Variants in DST observed in about 807,000 individuals in gnomAD.
The protein encoded by DST is bullous pemphigoid antigen.
DST carries 253 observed loss-of-function variants against 875.2 expected under a neutral mutation model. The observed-to-expected ratio is 0.29, with a 90% confidence interval of 0.26 to 0.32. DST has a LOEUF of 0.32. Ranked by LOEUF, DST falls within the 10% of genes least tolerant of loss-of-function variation. The pLI is 1.00. For synonymous variants in DST, 3,124 were observed against 3,197.1 expected, an observed-to-expected ratio of 0.98 and a Z score of 0.77; for missense variants, 8,287 against 9,111.6, an observed-to-expected ratio of 0.91 and a Z score of 3.68.
intron 4 of DST, among the ~76,000 whole-genome samples, chr6:56,769,607 G>A (rs1015348634): frequency 1.4e-4 from 21 of 152,128 alleles, no homozygotes; most frequent in African/African-American, 5.1e-4. Flanking sequence ...ATTGAGTCCA[G>A]GAATTCAGGA....
At chr6:56,523,237 C>T (rs942579197) in intron 69 of DST, among the ~76,000 whole-genome samples, 3 of 152,076 alleles carry the variant, frequency 2.0e-5, no homozygotes, top group Non-Finnish European at 2.9e-5. Flanking sequence ...CTTACTCATT[C>T]ACCCATTACT....
At chr6:56,601,716 G>C (rs1312593350) in intron 43 of DST, 40 bp from the exon 44 acceptor site, 1 of 1,200,080 alleles carries the variant, frequency 8.3e-7, no homozygotes. Context: ...AGAAAGTTAA[G>C]CCATGATAAA....
Position 56,594,098 on chromosome 6 carries a change from A to G in DST, c.12291T>C (p.Ser4097=). 2 of 1,610,334 alleles carry G rather than the reference A, an allele frequency of 1.2e-6. No homozygotes were observed. The highest frequency in any genetic ancestry group is 1.7e-6 in the Non-Finnish European group (2 of 1,179,010). The change falls in exon 48 of 104, where the codon TCT becomes TCC. Residue 4097 remains serine, a synonymous_variant. Transcript: ENST00000680361. ...VLLEKQGQYL[S]PEEKEKLQKN... ...TTTGCAGTTTCTCTTTTTCTTCAGG[A>G]GAGAGATACTGACCCTGTTTCTCAA...
chr6:56,904,371 T>C (rs931767981), intron 2 of DST, among the ~76,000 whole-genome samples: 2 of 152,226 alleles, frequency 1.3e-5, no homozygotes, highest in Non-Finnish European at 2.9e-5. Context: ...GTGTGTGGTC[T>C]TGGCTAAATT....
intron 2 of DST, among the ~76,000 whole-genome samples, chr6:56,911,198 G>A (rs183651767): frequency 3.5e-4 from 53 of 152,296 alleles, no homozygotes; most frequent in Middle Eastern, 3.4e-3. Flanking sequence ...AGGGAGGAAG[G>A]GAAGGAGGAA....
intron 3 of DST, among the ~76,000 whole-genome samples, chr6:56,880,624 T>C (rs1781647259): frequency 6.6e-6 from 1 of 150,510 alleles, no homozygotes; most frequent in Non-Finnish European, 1.5e-5. Flanking sequence ...GAGGTGGAGG[T>C]TGCAGTGAGC....
chr6:56,487,158 A>G lies in DST; in HGVS notation c.20993T>C (p.Met6998Thr), dbSNP rs1408048571. The G allele has an allele frequency of 4.3e-6, 7 of 1,613,858 alleles. No individual in the cohort carries two copies. The highest frequency in any genetic ancestry group is 1.3e-5 in the African/African-American group (1 of 74,942). The change falls in exon 87 of 104, where the codon ATG becomes ACG. Residue 6998 changes from methionine to threonine, a missense_variant. Physicochemically the swap from Met to Thr is moderately conservative, Grantham distance 81. Transcript: ENST00000680361. Reference sequence around the variant, plus strand: ...CCATTTGTCTCTGAGTTCACTCAGCATGTCATCCAGTTTCAGGTTGTCATC... The same window carrying G: ...CCATTTGTCTCTGAGTTCACTCAGCGTGTCATCCAGTTTCAGGTTGTCATC... ...LADDNLKLDD[M>T]LSELRDKWDT...
In DST at chr6:56,608,491, T is replaced by C. The variant is rs781430230; in HGVS notation, c.6137A>G (p.Asp2046Gly). ...QSNPAKRLTV[D>G]EAVQCDLITS... is the part of the protein sequence containing the mutation. ...TATTAAATCACACTGTACTGCTTCGTCTACAGTTAAACGCTTGGCAGGGTT... is the reference window on the plus strand; with the variant it reads ...TATTAAATCACACTGTACTGCTTCGCCTACAGTTAAACGCTTGGCAGGGTT... The change falls in exon 40 of 104, where the codon GAC becomes GGC. Residue 2046 changes from aspartate (D) to glycine (G), a missense_variant. Transcript: ENST00000680361. 29 of 1,613,658 alleles carry C rather than the reference T, an allele frequency of 1.8e-5. No homozygotes were observed. The East Asian group carries it at 6.2e-4, about 35-fold the overall frequency.
At chr6:56,780,343 G>C (rs568239212) in intron 4 of DST, among the ~76,000 whole-genome samples, 134 of 151,928 alleles carry the variant, frequency 8.8e-4, no homozygotes, top group South Asian at 2.9e-3. Context: ...GTCCCACCAA[G>C]AGTGTAAAAG....
chr6:56,488,662 C>G (rs2095642857), intron 86 of DST, among the ~76,000 whole-genome samples: 1 of 152,152 alleles, frequency 6.6e-6, no homozygotes, highest in Non-Finnish European at 1.5e-5. Flanking sequence ...TTTTATATCA[C>G]CCCAATTTTT....
In DST at chr6:56,573,811, G is replaced by C. The variant is rs1392116311; in HGVS notation, c.13104C>G (p.Thr4368=). 1 of 1,613,428 alleles carries C rather than the reference G, an allele frequency of 6.2e-7. No homozygotes were observed. The highest frequency in any genetic ancestry group is 1.1e-5 in the South Asian group (1 of 91,046). Reference sequence around the variant, plus strand: ...AGCCATCCTGCACACTCAGTGAACGGGTCAAGGTTATCTGGAGTTTTTCAT... The same window carrying C: ...AGCCATCCTGCACACTCAGTGAACGCGTCAAGGTTATCTGGAGTTTTTCAT... ...ERNEKLQITL[T]RSLSVQDGLD... The change falls in exon 51 of 104, where the codon ACC becomes ACG. Residue 4368 remains threonine, a synonymous_variant. Coordinates refer to ENST00000680361, the MANE Select transcript of DST (RefSeq NM_001374736.1).
At chr6:56,674,543 C>A (rs183584882) in intron 9 of DST, among the ~76,000 whole-genome samples, 1 of 152,150 alleles carries the variant, frequency 6.6e-6, no homozygotes, top group Non-Finnish European at 1.5e-5. Context: ...GTGATTCACC[C>A]GCTTCGGCCT....
intron 69 of DST, among the ~76,000 whole-genome samples, chr6:56,519,691 C>T (rs1480211572): frequency 6.6e-6 from 1 of 152,078 alleles, no homozygotes; most frequent in African/African-American, 2.4e-5. Context: ...GCAGAAATGA[C>T]GAGCCATCTC....
At chr6:56,646,765 T>C (rs2098945276) in intron 13 of DST, among the ~76,000 whole-genome samples, 1 of 152,208 alleles carries the variant, frequency 6.6e-6, no homozygotes, top group South Asian at 2.1e-4. Context: ...TGTAATTAAG[T>C]TACTATCTAG....
chr6:56,824,850 C>T (rs2099777997), intron 4 of DST, among the ~76,000 whole-genome samples: 1 of 151,946 alleles, frequency 6.6e-6, no homozygotes. Flanking sequence ...CTCCGCCCCG[C>T]AGCCACCCCG....
At chr6:56,906,215 A>C (rs1401226442) in intron 2 of DST, among the ~76,000 whole-genome samples, 1 of 152,150 alleles carries the variant, frequency 6.6e-6, no homozygotes, top group Non-Finnish European at 1.5e-5. Flanking sequence ...AAGGGTTCCA[A>C]TTTCTCCATA....
intron 4 of DST, among the ~76,000 whole-genome samples, chr6:56,740,370 G>C (rs1287252134): frequency 6.6e-6 from 1 of 152,102 alleles, no homozygotes; most frequent in African/African-American, 2.4e-5. Context: ...AAGGCAGTGT[G>C]GTAAGCACAC....
intron 2 of DST, among the ~76,000 whole-genome samples, chr6:56,928,761 C>T (rs1219708557): frequency 1.3e-5 from 2 of 151,582 alleles, no homozygotes; most frequent in African/African-American, 4.8e-5. Flanking sequence ...ATAATGAAAC[C>T]AATAGCTTCA....
intron 78 of DST, among the ~76,000 whole-genome samples, chr6:56,503,594 T>TACATACACAC (rs1554261512): frequency 2.1e-5 from 3 of 140,806 alleles, no homozygotes; most frequent in African/African-American, 5.3e-5. Flanking sequence ...TACCTATACA[T>TACATACACAC]ACACACACAC....
Sources: allele counts gnomAD v4.1 joint callset (sites outside exome capture counted in the v4.1 genomes callset), GRCh38; gene constraint gnomAD v4.1.1; transcripts MANE v1.5; gene names NCBI Gene and HGNC (gene_info 2026-07-23, HGNC 2026-07-21).